Variants in STK32B observed in about 807,000 individuals in gnomAD.
STK32B encodes the protein serine/threonine-protein kinase 32B.
In STK32B, 43 loss-of-function variants were observed where a neutral mutation model predicts 52.6. That is an observed-to-expected ratio of 0.82 (90% CI 0.64 to 1.05). STK32B has a LOEUF of 1.05. Among genes scored for constraint, STK32B ranks in the 50% least tolerant of loss-of-function variants. The probability of loss-of-function intolerance (pLI) is 0.00; values close to 1 mark genes in which losing one functional copy is unlikely to be tolerated. For synonymous variants in STK32B, 238 were observed against 204.3 expected (o/e 1.17, Z -1.41); for missense variants, 621 against 534.6 (o/e 1.16, Z -1.59).
At chr4:5,359,430 A>G (rs1386883732) in intron 4 of STK32B, among the ~76,000 whole-genome samples, 2 of 149,630 alleles carry the variant, frequency 1.3e-5, no homozygotes, top group East Asian at 2.0e-4. Context: ...TGTGCACTCA[A>G]TAGTGATGTA....
intron 2 of STK32B, 198 bp downstream of exon 2, chr4:5,140,158 AG>A: frequency 6.9e-7 from 1 of 1,439,340 alleles, no homozygotes; most frequent in Non-Finnish European, 9.5e-7. Context: ...TTACCACAAC[AG>A]CCCTGGTTTA....
intron 3 of STK32B, among the ~76,000 whole-genome samples, chr4:5,241,329 C>T (rs1725005272): frequency 6.6e-6 from 1 of 152,078 alleles, no homozygotes; most frequent in Admixed American, 6.5e-5. Context: ...ATCGTTGCCC[C>T]ATGTACCATT....
intron 3 of STK32B, among the ~76,000 whole-genome samples, chr4:5,259,044 G>A (rs1251415823): frequency 6.6e-6 from 1 of 152,116 alleles, no homozygotes; most frequent in Non-Finnish European, 1.5e-5. Context: ...CTCTGCCCCA[G>A]AGTTTTACAT....
At chr4:5,210,218 TCTC>T (rs1161764934) in intron 3 of STK32B, among the ~76,000 whole-genome samples, 2 of 152,004 alleles carry the variant, frequency 1.3e-5, no homozygotes, top group African/African-American at 2.4e-5. Flanking sequence ...CCCTTGTCTT[TCTC>T]CTCCTCCTCC....
chr4:5,323,126 G>A (rs1211378348), intron 3 of STK32B, among the ~76,000 whole-genome samples: 1 of 152,134 alleles, frequency 6.6e-6, no homozygotes, highest in African/African-American at 2.4e-5. Context: ...CTCGATTTTA[G>A]GACTAATTGA....
upstream of STK32B, among the ~76,000 whole-genome samples, chr4:5,048,597 TA>T (rs754993645): frequency 4.1e-4 from 63 of 152,274 alleles, 1 homozygote; most frequent in Admixed American, 1.7e-3. Context: ...GTGCCTGGCC[TA>T]ATTTTTGTAT....
the STK32B span, among the ~76,000 whole-genome samples, chr4:5,043,722 G>A: frequency 3.0e-3 from 450 of 152,348 alleles, 4 homozygotes; most frequent in African/African-American, 0.01. Flanking sequence ...CTACAGGGGC[G>A]GAAGGAGAAG....
Position 5,331,202 on chromosome 4 carries a change from G to T in STK32B, c.261-18G>T. 6.2e-7 allele frequency: 1 copy of T among 1,601,544 alleles called. No homozygotes were observed. Among genetic ancestry groups the T allele is most frequent in the South Asian group, 1.1e-5 (1 of 88,696 alleles). ...GGTGCCTCCACCCCTAATCTTCTCT[G>T]TCCTTCTGTGCTCCTAGGTACTCCT... is the stretch of plus-strand genomic sequence containing the variant. On this transcript the variant is annotated intron_variant, in intron 3 of 11. Transcript: ENST00000282908.
intron 3 of STK32B, among the ~76,000 whole-genome samples, chr4:5,247,579 C>A (rs1462641144): frequency 3.3e-5 from 5 of 152,136 alleles, no homozygotes; most frequent in African/African-American, 1.2e-4. Context: ...CACCCACTGT[C>A]CTGCACCCAC....
chr4:5,488,724 T>C (rs1200686859), intron 11 of STK32B, among the ~76,000 whole-genome samples: 1 of 152,168 alleles, frequency 6.6e-6, no homozygotes, highest in Non-Finnish European at 1.5e-5. Context: ...ATTAGTCTCT[T>C]TTCTTTGCAA....
intron 7 of STK32B, among the ~76,000 whole-genome samples, chr4:5,449,784 C>T (rs73212707): frequency 0.011 from 1,733 of 152,232 alleles, 13 homozygotes; most frequent in Middle Eastern, 0.034. Context: ...ACTGTGCATG[C>T]GAGGGACCTA....
chr4:5,171,448 A>G (rs1479618720), intron 3 of STK32B, among the ~76,000 whole-genome samples: 1 of 152,146 alleles, frequency 6.6e-6, no homozygotes, highest in African/African-American at 2.4e-5. Flanking sequence ...TAGGTCTAAC[A>G]TGTAAGTCTT....
chr4:5,398,340 G>A lies in STK32B; in HGVS notation c.472+96G>A. 7.6e-7 allele frequency: 1 copy of A among 1,317,666 alleles called. No homozygotes were observed. The highest frequency in any genetic ancestry group is 1.3e-5 in the South Asian group (1 of 79,028). The allele number at this position is 1,317,666 out of a possible 1,614,324, so 81.6% of individuals were successfully genotyped here. A position where few individuals can be genotyped will look rare whatever the true frequency, so the allele number is the denominator to read the frequency against. Reference sequence around the variant, plus strand: ...GTGGGGGTTGGGTCTTGCTGAGTTGGACATTAGCATTGGCTAGAAACCTTC... The same window carrying A: ...GTGGGGGTTGGGTCTTGCTGAGTTGAACATTAGCATTGGCTAGAAACCTTC... On this transcript the variant is annotated intron_variant, in intron 5 of 11. Transcript: ENST00000282908. The surrounding 1 kb of genome is among the most constrained non-coding windows in gnomAD (Gnocchi z 4.9).
intron 3 of STK32B, among the ~76,000 whole-genome samples, chr4:5,283,428 A>G (rs769610228): frequency 2.0e-5 from 3 of 152,192 alleles, no homozygotes; most frequent in Non-Finnish European, 2.9e-5. Flanking sequence ...TATTTAAGGA[A>G]ATAATGGCCC....
At chr4:5,297,102 G>A (rs913949641) in intron 3 of STK32B, among the ~76,000 whole-genome samples, 2 of 152,084 alleles carry the variant, frequency 1.3e-5, no homozygotes, top group Admixed American at 1.3e-4. Context: ...GTTGAATATT[G>A]GCCCCACTCT....
chr4:5,168,366 G>T lies in STK32B; in HGVS notation c.176G>T (p.Cys59Phe). The part of the protein sequence containing the change: ...YAMKYMNKQK[C>F]IERDEVRNVF... The stretch of plus-strand genomic sequence containing the variant: ...ATGAAGTACATGAACAAGCAGAAGT[G>T]CATCGAGAGGGATGAGGTTCGGAAT... The change falls in exon 3 of 12, where the codon TGC becomes TTC. Residue 59 changes from cysteine to phenylalanine, a missense_variant. Coordinates refer to ENST00000282908, the MANE Select transcript of STK32B (RefSeq NM_018401.3). 3 of 1,613,954 alleles carry T rather than the reference G, an allele frequency of 1.9e-6. No homozygotes were observed. The highest frequency in any genetic ancestry group is 2.5e-6 in the Non-Finnish European group (3 of 1,179,990).
intron 2 of STK32B, among the ~76,000 whole-genome samples, chr4:5,145,188 T>C (rs1716815422): frequency 1.3e-5 from 2 of 152,242 alleles, no homozygotes; most frequent in South Asian, 4.1e-4. Flanking sequence ...ACCAATGTCT[T>C]CCACCTCCAT....
chr4:5,372,552 A>G (rs1366274895), intron 4 of STK32B, among the ~76,000 whole-genome samples: 2 of 152,196 alleles, frequency 1.3e-5, no homozygotes, highest in Non-Finnish European at 2.9e-5. Flanking sequence ...ATATTTCATC[A>G]TACACTAGAC....
chr4:5,440,494 G>A (rs1032319890), intron 6 of STK32B, among the ~76,000 whole-genome samples: 1 of 152,152 alleles, frequency 6.6e-6, no homozygotes, highest in Admixed American at 6.5e-5. Context: ...TCAGCTTAAG[G>A]AGATTTTGGG....
Sources: gnomAD v4.1 joint callset for allele counts (sites outside exome capture counted in the v4.1 genomes callset) on GRCh38, gnomAD v4.1.1 for gene constraint, Gnocchi (gnomAD v3.1) non-coding constraint, MANE v1.5 for transcripts, NCBI Gene and HGNC (gene_info 2026-07-23, HGNC 2026-07-21) for gene names.